Variants in CDC42SE2 observed in about 807,000 individuals in gnomAD.
CDC42SE2 encodes the protein CDC42 small effector 2.
CDC42SE2 carries 3 observed loss-of-function variants against 11.5 expected under a neutral mutation model. That is an observed-to-expected ratio of 0.26 (90% CI 0.12 to 0.67). The LOEUF (loss-of-function observed/expected upper bound fraction) is 0.67. CDC42SE2 is among the 30% of genes least tolerant of loss of function. The pLI, the probability that CDC42SE2 is intolerant of heterozygous loss-of-function variation, is 0.80. For synonymous variants in CDC42SE2, 33 were observed against 34.8 expected (o/e 0.95, Z 0.18); for missense variants, 82 against 106.8 (o/e 0.77, Z 1.02).
chr5:131,261,146 G>A (rs976379435), upstream of CDC42SE2, among the ~76,000 whole-genome samples: 19 of 152,166 alleles, frequency 1.2e-4, no homozygotes, highest in African/African-American at 4.6e-4. Flanking sequence ...TGGACTAATA[G>A]GAATGCAAAA....
upstream of CDC42SE2, among the ~76,000 whole-genome samples, chr5:131,241,620 G>GCA (rs1756541403): frequency 2.0e-5 from 3 of 151,892 alleles, no homozygotes; most frequent in African/African-American, 7.2e-5. Context: ...CCTTTATTGA[G>GCA]CACACCCCCT....
intron 3 of CDC42SE2, among the ~76,000 whole-genome samples, chr5:131,360,878 TG>T (rs1749686240): frequency 6.6e-6 from 1 of 152,198 alleles, no homozygotes; most frequent in Non-Finnish European, 1.5e-5. Flanking sequence ...TTGTTTTAAT[TG>T]CTCTACTTAC....
chr5:131,361,179 A>G (rs1349793219), intron 3 of CDC42SE2, among the ~76,000 whole-genome samples: 1 of 151,406 alleles, frequency 6.6e-6, no homozygotes, highest in Non-Finnish European at 1.5e-5. Flanking sequence ...GTGACGTGAT[A>G]TATAATAAAG....
intron 2 of CDC42SE2, among the ~76,000 whole-genome samples, chr5:131,342,796 T>A (rs1758744230): frequency 6.6e-6 from 1 of 152,104 alleles, no homozygotes; most frequent in Non-Finnish European, 1.5e-5. Context: ...CACTGCAACC[T>A]CCGCCTACTG....
chr5:131,343,253 TA>T (rs1758756510), intron 2 of CDC42SE2, among the ~76,000 whole-genome samples: 1 of 152,050 alleles, frequency 6.6e-6, no homozygotes, highest in South Asian at 2.1e-4. Context: ...AGATGCTTAT[TA>T]GCAGGTGGAT....
intron 2 of CDC42SE2, among the ~76,000 whole-genome samples, chr5:131,342,083 C>T (rs1758723341): frequency 6.6e-6 from 1 of 151,802 alleles, no homozygotes; most frequent in South Asian, 2.1e-4. Flanking sequence ...AGATCGAGAC[C>T]ATCCTGGCCA....
intron 3 of CDC42SE2, among the ~76,000 whole-genome samples, chr5:131,366,934 A>G (rs1012048149): frequency 6.6e-6 from 1 of 151,998 alleles, no homozygotes; most frequent in Non-Finnish European, 1.5e-5. Context: ...AGGCTGAGGT[A>G]GGAGGATTGC....
intron 3 of CDC42SE2, among the ~76,000 whole-genome samples, chr5:131,367,099 A>AAT (rs938691240): frequency 6.6e-6 from 1 of 151,380 alleles, no homozygotes; most frequent in Non-Finnish European, 1.5e-5. Flanking sequence ...TATACAATCA[A>AAT]ATATATATGT....
At chr5:131,278,886 G>C (rs1456341665) in intron 1 of CDC42SE2, among the ~76,000 whole-genome samples, 2 of 141,658 alleles carry the variant, frequency 1.4e-5, no homozygotes, top group African/African-American at 5.3e-5. Flanking sequence ...CTAGGTTCAA[G>C]TGATTCTCCT....
intron 1 of CDC42SE2, among the ~76,000 whole-genome samples, chr5:131,277,200 C>T (rs1757122209): frequency 6.6e-6 from 1 of 152,138 alleles, no homozygotes; most frequent in Non-Finnish European, 1.5e-5. Context: ...CATATGTTAG[C>T]ATTTCACACA....
the CDC42SE2 span, among the ~76,000 whole-genome samples, chr5:131,237,791 A>G: frequency 6.6e-6 from 1 of 152,000 alleles, no homozygotes; most frequent in African/African-American, 2.4e-5. Flanking sequence ...GTCTCGCTAT[A>G]TTGCCCAGGC....
chr5:131,391,242 G>C lies in CDC42SE2; in HGVS notation c.*151G>C, dbSNP rs964956594. 6 of 301,044 alleles carry C rather than the reference G, an allele frequency of 2.0e-5. No individual in the cohort carries two copies. The highest frequency in any genetic ancestry group is 2.4e-5 in the Non-Finnish European group (4 of 165,498). 18.6% of individuals were successfully genotyped at this position (301,044 alleles called of 1,614,324 possible). A position where few individuals can be genotyped will look rare whatever the true frequency, so the allele number is the denominator to read the frequency against. On this transcript the variant is annotated 3_prime_UTR_variant, in exon 5 of 5. Transcript: ENST00000505065. The stretch of plus-strand genomic sequence containing the variant: ...AGGCAAAATTACTCAGCTAAGTGTA[G>C]TTTCTGCACTTGGAATGTAAGTTTT...
intron 1 of CDC42SE2, among the ~76,000 whole-genome samples, chr5:131,249,979 T>C (rs1756627299): frequency 6.6e-6 from 1 of 152,188 alleles, no homozygotes; most frequent in Admixed American, 6.5e-5. Flanking sequence ...TGTGGATCCA[T>C]TGCTTATGAA....
chr5:131,216,511 A>AC, the CDC42SE2 span, among the ~76,000 whole-genome samples: 1 of 148,890 alleles, frequency 6.7e-6, no homozygotes, highest in Non-Finnish European at 1.5e-5. Context: ...CAAAAAAAAA[A>AC]AAAAAAAAAA....
chr5:131,333,164 T>C (rs1480034686), intron 2 of CDC42SE2, among the ~76,000 whole-genome samples: 8 of 152,136 alleles, frequency 5.3e-5, no homozygotes, highest in Non-Finnish European at 1.0e-4. Flanking sequence ...AGGAAGGGAT[T>C]CAGTTTCAGC....
chr5:131,346,344 G>C (rs1455661732), intron 2 of CDC42SE2, among the ~76,000 whole-genome samples: 1 of 152,082 alleles, frequency 6.6e-6, no homozygotes, highest in Admixed American at 6.5e-5. Context: ...AAAAGGAGGG[G>C]TTGCAATCCT....
chr5:131,388,007 T>G (rs896562363), intron 4 of CDC42SE2, among the ~76,000 whole-genome samples: 2 of 151,658 alleles, frequency 1.3e-5, no homozygotes, highest in Non-Finnish European at 2.9e-5. Context: ...ATTAGTAACT[T>G]TTTTTTTTGA....
chr5:131,272,939 C>T (rs1248281993), intron 1 of CDC42SE2, among the ~76,000 whole-genome samples: 2 of 152,044 alleles, frequency 1.3e-5, no homozygotes, highest in Non-Finnish European at 2.9e-5. Flanking sequence ...TTGATAACAT[C>T]ATGTTTGAAA....
the CDC42SE2 span, among the ~76,000 whole-genome samples, chr5:131,218,711 T>C: frequency 1.3e-5 from 2 of 152,318 alleles, no homozygotes; most frequent in African/African-American, 2.4e-5. Context: ...AAAATTGATA[T>C]ATAATGTTAT....
Sources: gnomAD v4.1 joint callset for allele counts (sites outside exome capture counted in the v4.1 genomes callset) on GRCh38, gnomAD v4.1.1 for gene constraint, MANE v1.5 for transcripts, NCBI Gene and HGNC (gene_info 2026-07-23, HGNC 2026-07-21) for gene names.